Variants in CDK6 observed in about 807,000 individuals in gnomAD.
CDK6 encodes cyclin dependent kinase 6.
CDK6 carries 6 observed loss-of-function variants against 37.1 expected under a neutral mutation model. The observed-to-expected ratio is 0.16, with a 90% confidence interval of 0.09 to 0.32. The LOEUF is 0.32. CDK6 is among the 10% of genes least tolerant of loss of function. The pLI, the probability that CDK6 is intolerant of heterozygous loss-of-function variation, is 1.00. For missense variants in CDK6, 224 were observed against 418.9 expected (o/e 0.53, Z 4.06); for synonymous variants, 160 against 161.3 (o/e 0.99, Z 0.06).
At chr7:92,693,946 T>C (rs550329343) in intron 4 of CDK6, among the ~76,000 whole-genome samples, 1 of 152,364 alleles carries the variant, frequency 6.6e-6, no homozygotes, top group African/African-American at 2.4e-5. Context: ...GACCCCATGT[T>C]GCCTCATGCT....
rs565366041 is a variant in CDK6 at position 92,724,004 on chromosome 7, C to T, written c.537+1622G>A. On this transcript the variant is annotated intron_variant, in intron 4 of 7. Coordinates refer to ENST00000424848, the MANE Select transcript of CDK6 (RefSeq NM_001145306.2). ...CCATTTGGGGGGATTAAAATAAAAG[C>T]GTCCATCTCAGTTACAGCTTATCCT... Among the ~76,000 whole-genome samples the T allele has an allele frequency of 3.3e-5, 5 of 151,718 alleles. No homozygotes were observed. The East Asian group carries it at 5.8e-4, about 18-fold the overall frequency.
At chr7:92,753,483 A>T (rs1799235392) in intron 3 of CDK6, among the ~76,000 whole-genome samples, 1 of 152,110 alleles carries the variant, frequency 6.6e-6, no homozygotes, top group Non-Finnish European at 1.5e-5. Context: ...TTGCATAAGA[A>T]GATTATCTTA....
Position 92,623,810 on chromosome 7 carries a change from C to T in CDK6, c.648-724G>A, listed in dbSNP as rs945569853. On this transcript the variant is annotated intron_variant, in intron 5 of 7. Transcript: ENST00000424848. Reference sequence around the variant, plus strand: ...ACTTCTCTAGGTTTCCCTATAAATCCCTGCCATAGAGCTTTACTCTGACAG... The same window carrying T: ...ACTTCTCTAGGTTTCCCTATAAATCTCTGCCATAGAGCTTTACTCTGACAG... Among the ~76,000 whole-genome samples the T allele has an allele frequency of 3.3e-5, 5 of 152,096 alleles. No individual in the cohort carries two copies. The East Asian group carries it at 5.8e-4, about 18-fold the overall frequency.
intron 5 of CDK6, among the ~76,000 whole-genome samples, chr7:92,653,698 A>T (rs1177035764): frequency 6.6e-6 from 1 of 152,172 alleles, no homozygotes; most frequent in East Asian, 1.9e-4. Context: ...TTGTGTACTC[A>T]AGTTTTTCCT....
intron 5 of CDK6, among the ~76,000 whole-genome samples, chr7:92,660,011 A>G (rs144517608): frequency 8.3e-4 from 126 of 152,352 alleles, no homozygotes; most frequent in African/African-American, 2.7e-3. Context: ...TCTGAAGCAC[A>G]GTTTGAATTC....
intron 5 of CDK6, among the ~76,000 whole-genome samples, chr7:92,664,767 A>T (rs1357652206): frequency 8.0e-5 from 12 of 150,798 alleles, no homozygotes; most frequent in Non-Finnish European, 3.0e-5. Context: ...TCAAAGAAAC[A>T]TGTTTTATTT....
In CDK6 at chr7:92,834,324, G is replaced by C. The variant is rs1425297670; in HGVS notation, c.-367-634C>G. On this transcript the variant is annotated intron_variant, in intron 1 of 7. Transcript: ENST00000424848. The surrounding 1 kb of genome is among the most constrained non-coding windows in gnomAD (Gnocchi z 4.6). ...TCTACTTTCAGTTTTTCTACGAGGAGACATTTAAAAACGACTCGCATACAC... is the reference window on the plus strand; with the variant it reads ...TCTACTTTCAGTTTTTCTACGAGGACACATTTAAAAACGACTCGCATACAC... Among the ~76,000 whole-genome samples, 3 of 151,276 alleles carry C rather than the reference G, an allele frequency of 2.0e-5. No homozygotes were observed. The highest frequency in any genetic ancestry group is 4.4e-5 in the Non-Finnish European group (3 of 67,864).
At chr7:92,756,202 C>T (rs1298494873) in intron 3 of CDK6, among the ~76,000 whole-genome samples, 1 of 150,192 alleles carries the variant, frequency 6.7e-6, no homozygotes, top group African/African-American at 2.5e-5. Context: ...ACTCACCTAA[C>T]TATGATCTTG....
chr7:92,772,394 C>G (rs143371252), intron 3 of CDK6, among the ~76,000 whole-genome samples: 289 of 152,156 alleles, frequency 1.9e-3, no homozygotes, highest in Non-Finnish European at 3.3e-3. Flanking sequence ...CCCCTTGCCC[C>G]CAACTCCACC....
chr7:92,719,521 T>A (rs1262081158), intron 4 of CDK6, among the ~76,000 whole-genome samples: 1 of 152,206 alleles, frequency 6.6e-6, no homozygotes, highest in Admixed American at 6.5e-5. Flanking sequence ...GAAGGTAATA[T>A]GGAAAAAAAG....
chr7:92,653,815 C>T (rs1366614426), intron 5 of CDK6, among the ~76,000 whole-genome samples: 3 of 151,990 alleles, frequency 2.0e-5, no homozygotes, highest in Non-Finnish European at 4.4e-5. Flanking sequence ...CCGTGTTGTC[C>T]AGGCTGGTTT....
At chr7:92,636,628 T>C in intron 5 of CDK6, among the ~76,000 whole-genome samples, 1 of 152,172 alleles carries the variant, frequency 6.6e-6, no homozygotes, top group Non-Finnish European at 1.5e-5. Context: ...AATAAATAAT[T>C]ACATTTTGGT....
intron 2 of CDK6, among the ~76,000 whole-genome samples, chr7:92,793,042 T>C (rs1584094897): frequency 6.6e-6 from 1 of 152,000 alleles, no homozygotes; most frequent in Non-Finnish European, 1.5e-5. Flanking sequence ...AAAATACGTA[T>C]AAATTTAACA....
chr7:92,734,237 G>C (rs1223139056), intron 3 of CDK6, among the ~76,000 whole-genome samples: 1 of 152,106 alleles, frequency 6.6e-6, no homozygotes, highest in Non-Finnish European at 1.5e-5. Flanking sequence ...ACACCTCTGA[G>C]GCTCCCACTA....
rs1242450261 is a variant in CDK6 at position 92,613,677 on chromosome 7, T to C, written c.*1463A>G. The C allele has an allele frequency of 1.3e-5, 3 of 232,978 alleles. No individual in the cohort carries two copies. Among genetic ancestry groups the C allele is most frequent in the Admixed American group, 1.1e-4 (2 of 17,758 alleles). 14.4% of individuals were successfully genotyped at this position (232,978 alleles called of 1,614,324 possible). On this transcript the variant is annotated 3_prime_UTR_variant, in exon 8 of 8. Coordinates refer to ENST00000424848, the MANE Select transcript of CDK6 (RefSeq NM_001145306.2). ...AGAGTAAATGTATGGCCCTAAAACA[T>C]AGCTAAAGACATACCCTCAGGTAAA...
intron 5 of CDK6, among the ~76,000 whole-genome samples, chr7:92,665,591 T>A (rs1796938359): frequency 6.6e-6 from 1 of 152,238 alleles, no homozygotes; most frequent in Non-Finnish European, 1.5e-5. Context: ...TTATATTTCC[T>A]AGGTATTTCA....
intron 2 of CDK6, among the ~76,000 whole-genome samples, chr7:92,799,813 G>A (rs998187815): frequency 6.6e-6 from 1 of 152,120 alleles, no homozygotes; most frequent in African/African-American, 2.4e-5. Context: ...AATGCCACAG[G>A]TTTTCCGGAT....
intron 4 of CDK6, among the ~76,000 whole-genome samples, chr7:92,683,197 T>C (rs1423015715): frequency 2.0e-5 from 3 of 152,176 alleles, no homozygotes; most frequent in Admixed American, 1.3e-4. Context: ...CTCTTAGAAG[T>C]TGTTTTAACT....
chr7:92,691,946 G>A (rs1396862665), intron 4 of CDK6, among the ~76,000 whole-genome samples: 2 of 152,144 alleles, frequency 1.3e-5, no homozygotes, highest in East Asian at 3.9e-4. Context: ...GAGACCCACA[G>A]GACTGAAAAG....
Sources: gnomAD v4.1 joint callset for allele counts (sites outside exome capture counted in the v4.1 genomes callset) on GRCh38, gnomAD v4.1.1 for gene constraint, Gnocchi (gnomAD v3.1) non-coding constraint, MANE v1.5 for transcripts, NCBI Gene and HGNC (gene_info 2026-07-23, HGNC 2026-07-21) for gene names.